Variants in CERT1 observed in about 807,000 individuals in gnomAD.
CERT1 encodes the protein ceramide transporter 1, also known as ceramide transfer protein.
In CERT1, 31 loss-of-function variants were observed where a neutral mutation model predicts 87.9. That is an observed-to-expected ratio of 0.35 (90% CI 0.27 to 0.48). CERT1 has a LOEUF of 0.48. Ranked by LOEUF, CERT1 falls within the 20% of genes least tolerant of loss-of-function variation. The pLI, the probability that CERT1 is intolerant of heterozygous loss-of-function variation, is 0.99. For missense variants in CERT1, 487 were observed against 758.0 expected (o/e 0.64, Z 4.20); for synonymous variants, 289 against 250.9 (o/e 1.15, Z -1.44).
At chr5:75,368,505 G>A (rs748428008) in exon 18 of CERT1, 5 of 152,182 alleles carry the variant, frequency 3.3e-5, no homozygotes, top group Non-Finnish European at 7.4e-5. Context: ...TCCAAAGCTC[G>A]CTTTATTTCC....
At chr5:75,490,436 T>G (rs1480657717) in intron 2 of CERT1, among the ~76,000 whole-genome samples, 1 of 152,196 alleles carries the variant, frequency 6.6e-6, no homozygotes, top group Non-Finnish European at 1.5e-5. Flanking sequence ...CTGATCCTTT[T>G]TATCTTACTT....
At chr5:75,420,900 GC>G (rs1229017328) in intron 5 of CERT1, among the ~76,000 whole-genome samples, 1 of 152,102 alleles carries the variant, frequency 6.6e-6, no homozygotes, top group Non-Finnish European at 1.5e-5. Flanking sequence ...TCAGCTCACT[GC>G]AACCTCCACC....
intron 2 of CERT1, 148 bp from the exon 3 acceptor site, chr5:75,459,329 A>G: frequency 1.7e-6 from 1 of 599,304 alleles, no homozygotes; most frequent in Non-Finnish European, 3.0e-6. Context: ...TTGTCTGAAG[A>G]TAAGAATGTA....
intron 3 of CERT1, among the ~76,000 whole-genome samples, chr5:75,429,195 ATAAT>A (rs1763761307): frequency 6.8e-6 from 1 of 147,032 alleles, no homozygotes; most frequent in Non-Finnish European, 1.5e-5. Context: ...AATAATAATA[ATAAT>A]TATTATTATT....
intron 11 of CERT1, among the ~76,000 whole-genome samples, chr5:75,393,608 A>AAAAAAAAAAAAAAAAAAAAAAAC (rs1762118107): frequency 7.2e-6 from 1 of 138,462 alleles, no homozygotes; most frequent in Non-Finnish European, 1.6e-5. Context: ...TACTTAAAAA[A>AAAAAAAAAAAAAAAAAAAAAAAC]AAAAAAAAAA....
intron 14 of CERT1, among the ~76,000 whole-genome samples, chr5:75,382,605 T>C (rs943672001): frequency 6.6e-6 from 1 of 152,024 alleles, no homozygotes; most frequent in Admixed American, 6.6e-5. Flanking sequence ...ACATATACTA[T>C]GGGAATGACA....
chr5:75,401,771 G>A (rs1156874664), intron 9 of CERT1: 2 of 152,178 alleles, frequency 1.3e-5, no homozygotes, highest in Admixed American at 6.5e-5. Flanking sequence ...TTTACCCTTA[G>A]GTAGACCAAT....
At chr5:75,499,787 C>T (rs960545274) in intron 2 of CERT1, among the ~76,000 whole-genome samples, 4 of 152,128 alleles carry the variant, frequency 2.6e-5, no homozygotes, top group African/African-American at 9.7e-5. Flanking sequence ...TTTCTTAAGC[C>T]CAGTGACGTC....
intron 11 of CERT1, among the ~76,000 whole-genome samples, chr5:75,396,399 G>C (rs1374205958): frequency 6.6e-6 from 1 of 152,164 alleles, no homozygotes; most frequent in Admixed American, 6.5e-5. Context: ...CCCATATCAA[G>C]CGCTGTGGAG....
chr5:75,484,112 TTC>T lies in CERT1; in HGVS notation c.231+21868_231+21869del, dbSNP rs368910205. Reference sequence around the variant, plus strand: ...GATAAAATTATAGAGTTTTTATGAATTCTCTCTGTTTCTTAGTTTGTTTCTTT... The same window carrying T: ...GATAAAATTATAGAGTTTTTATGAATTCTCTGTTTCTTAGTTTGTTTCTTT... On this transcript the variant is annotated intron_variant, in intron 2 of 16. Coordinates refer to ENST00000643780, the MANE Select transcript of CERT1 (RefSeq NM_001379029.1). Among the ~76,000 whole-genome samples, 178 of 152,114 alleles carry T rather than the reference TTC, an allele frequency of 1.2e-3. 1 individual carries two copies. The East Asian group carries it at 0.027, about 23-fold the overall frequency.
At chr5:75,436,056 G>A (rs904067861) in intron 3 of CERT1, among the ~76,000 whole-genome samples, 5 of 152,098 alleles carry the variant, frequency 3.3e-5, no homozygotes, top group Non-Finnish European at 7.4e-5. Flanking sequence ...TTTTTGAGAC[G>A]GAGGATCGCT....
chr5:75,455,223 G>T (rs977265138), intron 3 of CERT1, among the ~76,000 whole-genome samples: 1 of 152,112 alleles, frequency 6.6e-6, no homozygotes, highest in Non-Finnish European at 1.5e-5. Flanking sequence ...TGAACAAACT[G>T]GGCTACAAAG....
chr5:75,407,518 G>GA (rs962011020), intron 8 of CERT1, among the ~76,000 whole-genome samples: 5 of 143,634 alleles, frequency 3.5e-5, no homozygotes, highest in African/African-American at 7.7e-5. Context: ...AATCAATAGG[G>GA]AAAAAAAACC....
intron 10 of CERT1, 123 bp from the exon 11 acceptor site, chr5:75,399,510 C>A: frequency 1.4e-6 from 1 of 709,986 alleles, no homozygotes; most frequent in South Asian, 1.6e-5. Context: ...GAAACAAGCA[C>A]AGCAGCAACT....
intron 6 of CERT1, among the ~76,000 whole-genome samples, chr5:75,417,621 A>C (rs1337245872): frequency 2.6e-5 from 4 of 152,228 alleles, no homozygotes; most frequent in Non-Finnish European, 5.9e-5. Context: ...TCATTCTAGT[A>C]GAATAATTAT....
At chr5:75,383,653 G>C (rs1183552622) in intron 14 of CERT1, among the ~76,000 whole-genome samples, 2 of 152,108 alleles carry the variant, frequency 1.3e-5, no homozygotes, top group African/African-American at 2.4e-5. Context: ...TGACAAGACT[G>C]AGTTTAAGAA....
chr5:75,484,690 A>G (rs1766425891), intron 2 of CERT1, among the ~76,000 whole-genome samples: 1 of 152,140 alleles, frequency 6.6e-6, no homozygotes, highest in African/African-American at 2.4e-5. Context: ...ATATAATAAT[A>G]GTAAATATAT....
chr5:75,384,139 T>C (rs537880327), intron 14 of CERT1, among the ~76,000 whole-genome samples: 10 of 152,340 alleles, frequency 6.6e-5, no homozygotes, highest in South Asian at 6.2e-4. Flanking sequence ...TAATTCACTT[T>C]CATATTTGGT....
chr5:75,457,388 G>A (rs572207964), intron 3 of CERT1, among the ~76,000 whole-genome samples: 43 of 152,318 alleles, frequency 2.8e-4, no homozygotes, highest in Non-Finnish European at 5.3e-4. Context: ...ACACAGCCAA[G>A]CTCACATATG....
Sources: gnomAD v4.1 joint callset for allele counts (sites outside exome capture counted in the v4.1 genomes callset) on GRCh38, gnomAD v4.1.1 for gene constraint, MANE v1.5 for transcripts, NCBI Gene and HGNC (gene_info 2026-07-23, HGNC 2026-07-21) for gene names.